The following NRG3 variants were observed in gnomAD, a reference collection of about 807,000 sequenced individuals.
NRG3 encodes the protein pro-neuregulin-3, membrane-bound isoform.
Under a neutral mutation model 66.9 loss-of-function variants are expected in NRG3, and 31 were observed. That is an observed-to-expected ratio of 0.46 (90% CI 0.35 to 0.63). The LOEUF is 0.63. NRG3 is among the 20% of genes least tolerant of loss of function. NRG3 has a pLI of 0.00. For synonymous variants in NRG3, 393 were observed against 359.4 expected (o/e 1.09, Z -1.06); for missense variants, 910 against 878.9 (o/e 1.04, Z -0.45).
chr10:82,874,251 G>A (rs984340976), intron 4 of NRG3, among the ~76,000 whole-genome samples: 7 of 151,976 alleles, frequency 4.6e-5, no homozygotes, highest in Admixed American at 1.3e-4. Flanking sequence ...GATAGGAAGT[G>A]GGCTTTTTTC....
chr10:82,154,696 A>T (rs770078858), intron 1 of NRG3, among the ~76,000 whole-genome samples: 1 of 151,826 alleles, frequency 6.6e-6, no homozygotes, highest in East Asian at 1.9e-4. Context: ...CTTCTAATCC[A>T]TAAGCACGGG....
chr10:82,403,345 C>T (rs746303179), intron 2 of NRG3, among the ~76,000 whole-genome samples: 9 of 152,156 alleles, frequency 5.9e-5, no homozygotes, highest in Admixed American at 6.5e-5. Context: ...ACTCCTCCCC[C>T]ACTCAGAGAA....
chr10:82,194,100 T>C (rs572293602), intron 1 of NRG3, among the ~76,000 whole-genome samples: 25 of 152,196 alleles, frequency 1.6e-4, no homozygotes, highest in Admixed American at 6.5e-4. Flanking sequence ...TGTGAAATTT[T>C]ACTGAGAGTA....
chr10:82,441,755 C>G (rs957397543), intron 2 of NRG3, among the ~76,000 whole-genome samples: 6 of 152,122 alleles, frequency 3.9e-5, no homozygotes, highest in African/African-American at 1.4e-4. Flanking sequence ...TTTGAAAATT[C>G]TGAGGGAAAG....
chr10:82,056,673 T>C (rs987091377), intron 1 of NRG3, among the ~76,000 whole-genome samples: 1 of 152,184 alleles, frequency 6.6e-6, no homozygotes, highest in African/African-American at 2.4e-5. Context: ...TTTTTAACAG[T>C]CTAGTTGGGG....
At chr10:82,888,550 GA>G (rs1344257414) in intron 4 of NRG3, among the ~76,000 whole-genome samples, 1 of 152,034 alleles carries the variant, frequency 6.6e-6, no homozygotes, top group Non-Finnish European at 1.5e-5. Flanking sequence ...TACATCTTGG[GA>G]AATGCTTATT....
At chr10:82,623,918 A>G (rs1295857813) in intron 2 of NRG3, among the ~76,000 whole-genome samples, 1 of 151,810 alleles carries the variant, frequency 6.6e-6, no homozygotes, top group East Asian at 1.9e-4. Context: ...TAGGGAAGGG[A>G]CCCCAGAATG....
At chr10:82,950,289 T>C (rs1224288069) in intron 4 of NRG3, among the ~76,000 whole-genome samples, 3 of 152,182 alleles carry the variant, frequency 2.0e-5, no homozygotes, top group Non-Finnish European at 4.4e-5. Flanking sequence ...TTCCTCTAAA[T>C]TGGCTGCTTG....
chr10:82,524,999 C>A (rs866844726), intron 2 of NRG3, among the ~76,000 whole-genome samples: 4 of 151,932 alleles, frequency 2.6e-5, no homozygotes, highest in South Asian at 2.1e-4. Context: ...TTAGAAAGAG[C>A]CAATAAGTGA....
intron 2 of NRG3, among the ~76,000 whole-genome samples, chr10:82,474,040 T>C (rs1412831905): frequency 1.3e-5 from 2 of 152,014 alleles, no homozygotes; most frequent in African/African-American, 4.8e-5. Flanking sequence ...ACCAGGAATA[T>C]ACATGTTCAG....
chr10:81,898,235 C>T (rs1843698955), intron 1 of NRG3, among the ~76,000 whole-genome samples: 1 of 152,188 alleles, frequency 6.6e-6, no homozygotes, highest in African/African-American at 2.4e-5. Context: ...AGTGTTTGAG[C>T]AGTGGAGATG....
intron 1 of NRG3, among the ~76,000 whole-genome samples, chr10:82,137,353 G>C (rs1422765951): frequency 6.6e-6 from 1 of 152,156 alleles, no homozygotes; most frequent in Non-Finnish European, 1.5e-5. Context: ...CGAAGTGCCA[G>C]AATATTAACT....
chr10:82,553,990 T>A (rs1214904094), intron 2 of NRG3, among the ~76,000 whole-genome samples: 1 of 152,164 alleles, frequency 6.6e-6, no homozygotes. Flanking sequence ...AGATTGTATT[T>A]CAAACTCTTC....
chr10:82,877,368 A>T (rs1463409596), intron 4 of NRG3, among the ~76,000 whole-genome samples: 1 of 129,758 alleles, frequency 7.7e-6, no homozygotes, highest in African/African-American at 3.0e-5. Context: ...TGCATAGGGC[A>T]GACTTTTTTT....
At chr10:81,985,128 G>GTTAGAATCAT in intron 1 of NRG3, among the ~76,000 whole-genome samples, 1 of 152,170 alleles carries the variant, frequency 6.6e-6, no homozygotes, top group Non-Finnish European at 1.5e-5. Context: ...CTGTTCTAAG[G>GTTAGAATCAT]GTTTTCATGT....
chr10:82,518,570 A>G (rs1235553757), intron 2 of NRG3, among the ~76,000 whole-genome samples: 1 of 152,180 alleles, frequency 6.6e-6, no homozygotes, highest in African/African-American at 2.4e-5. Flanking sequence ...TTTTCTTTAA[A>G]AATATTTTAT....
At chr10:82,623,745 A>C (rs1227723200) in intron 2 of NRG3, among the ~76,000 whole-genome samples, 2 of 152,192 alleles carry the variant, frequency 1.3e-5, no homozygotes, top group Non-Finnish European at 2.9e-5. Context: ...ATTTATTTTT[A>C]AATATATAGT....
At chr10:82,581,125 G>C (rs2046333576) in intron 2 of NRG3, among the ~76,000 whole-genome samples, 1 of 151,948 alleles carries the variant, frequency 6.6e-6, no homozygotes, top group South Asian at 2.1e-4. Flanking sequence ...CTATGTTTTG[G>C]ATTTTGATCA....
chr10:82,278,573 A>G (rs572531780), intron 1 of NRG3, among the ~76,000 whole-genome samples: 1 of 152,142 alleles, frequency 6.6e-6, no homozygotes, highest in Non-Finnish European at 1.5e-5. Flanking sequence ...CAGAATTGAA[A>G]AAAGCTGAGT....
Sources: allele counts gnomAD v4.1 joint callset (sites outside exome capture counted in the v4.1 genomes callset), GRCh38; gene constraint gnomAD v4.1.1; transcripts MANE v1.5; gene names NCBI Gene and HGNC (gene_info 2026-07-23, HGNC 2026-07-21).